PLEKHM3: variants seen among roughly 807,000 people sequenced by gnomAD.
PLEKHM3 encodes the protein pleckstrin homology domain-containing family M member 3.
Under a neutral mutation model 81.8 loss-of-function variants are expected in PLEKHM3, and 45 were observed. The ratio of observed to expected loss-of-function variants is 0.55; its 90% CI spans 0.43 to 0.71. PLEKHM3 has a LOEUF of 0.71. Among genes scored for constraint, PLEKHM3 ranks in the 30% least tolerant of loss-of-function variants. The probability of loss-of-function intolerance (pLI) is 0.00; values close to 1 mark genes in which losing one functional copy is unlikely to be tolerated. For synonymous variants in PLEKHM3, 352 were observed against 356.4 expected, an observed-to-expected ratio of 0.99 and a Z score of 0.14; for missense variants, 788 against 924.3, an observed-to-expected ratio of 0.85 and a Z score of 1.91.
intron 7 of PLEKHM3, among the ~76,000 whole-genome samples, chr2:207,848,663 G>T (rs1285262948): frequency 3.3e-5 from 5 of 152,228 alleles, no homozygotes; most frequent in African/African-American, 9.6e-5. Flanking sequence ...TGTACATGAG[G>T]CTTAAAGAAG....
At chr2:207,907,966 T>C (rs1168863830) in intron 6 of PLEKHM3, among the ~76,000 whole-genome samples, 1 of 152,218 alleles carries the variant, frequency 6.6e-6, no homozygotes, top group East Asian at 1.9e-4. Flanking sequence ...TTTGGCTTCT[T>C]TTACTTAGCA....
chr2:207,825,401 A>G lies in PLEKHM3; in HGVS notation c.*2918T>C, dbSNP rs573384835. ...AATTGGCCATTTTTTCATATGTTTT[A>G]TGTGCAAGATATTTAATATGGGATG... On this transcript the variant is annotated 3_prime_UTR_variant, in exon 8 of 8. Transcript: ENST00000427836. 4.6e-5 allele frequency: 7 copies of G among 152,176 alleles called. No individual in the cohort carries two copies. The highest frequency in any genetic ancestry group is 1.0e-4 in the Non-Finnish European group (7 of 68,032). The allele number at this position is 152,176 out of a possible 1,614,324, so 9.4% of individuals were successfully genotyped here. A position where few individuals can be genotyped will look rare whatever the true frequency, so the allele number is the denominator to read the frequency against.
intron 6 of PLEKHM3, among the ~76,000 whole-genome samples, chr2:207,880,657 G>C (rs1310767376): frequency 2.1e-5 from 3 of 145,552 alleles, no homozygotes; most frequent in African/African-American, 7.5e-5. Context: ...CAGCTACTTG[G>C]GAGGCTGAGG....
intron 1 of PLEKHM3, among the ~76,000 whole-genome samples, chr2:208,007,594 T>C (rs1692537978): frequency 6.6e-6 from 1 of 152,148 alleles, no homozygotes; most frequent in Non-Finnish European, 1.5e-5. Context: ...GAGAAGACTA[T>C]TGCCACATAC....
rs953119896 is a variant in PLEKHM3, at chr2:207,930,788, T to C, written c.1886+138A>G. On this transcript the variant is annotated intron_variant, in intron 5 of 7. Transcript: ENST00000427836. ...TAAAAAGATGAGCCCAGAGAGAGGC[T>C]GGCAGTGGAGAGGCGGAGGGCGAGC... The C allele has an allele frequency of 7.9e-6, 7 of 889,408 alleles. No homozygotes were observed. In the African/African-American group the frequency reaches 1.0e-4, roughly 13 times the overall value. 55.1% of individuals were successfully genotyped at this position (889,408 alleles called of 1,614,324 possible).
At position 207,827,680 on chromosome 2, in the gene PLEKHM3, A is replaced by G. The variant is rs981203117; in HGVS notation, c.*639T>C. The G allele has an allele frequency of 9.2e-5, 14 of 152,242 alleles. No individual in the cohort carries two copies. Among genetic ancestry groups the G allele is most frequent in the African/African-American group, 3.4e-4 (14 of 41,540 alleles). The allele number at this position is 152,242 out of a possible 1,614,324, so 9.4% of individuals were successfully genotyped here. On this transcript the variant is annotated 3_prime_UTR_variant, in exon 8 of 8. Coordinates refer to ENST00000427836, the MANE Select transcript of PLEKHM3 (RefSeq NM_001080475.3). ...CCAGAACCAGCCCTCCTCATAAATG[A>G]GGGGTGTATGCTTTCTGTCAGAGGG...
chr2:207,898,339 T>C (rs1370315059), intron 6 of PLEKHM3, among the ~76,000 whole-genome samples: 1 of 152,208 alleles, frequency 6.6e-6, no homozygotes, highest in Non-Finnish European at 1.5e-5. Flanking sequence ...AAGCTCTCTC[T>C]GGTTCATCTG....
chr2:208,019,141 A>C (rs1167165762), intron 1 of PLEKHM3, among the ~76,000 whole-genome samples: 1 of 152,032 alleles, frequency 6.6e-6, no homozygotes, highest in Non-Finnish European at 1.5e-5. Flanking sequence ...TCTCTACAAA[A>C]AAAAAAAATT....
chr2:207,884,218 C>T (rs1687812369), intron 6 of PLEKHM3, among the ~76,000 whole-genome samples: 1 of 143,028 alleles, frequency 7.0e-6, no homozygotes, highest in Non-Finnish European at 1.5e-5. Context: ...CTGAAAAACT[C>T]ACAGTTAACA....
At chr2:207,916,971 T>C (rs1304990446) in intron 5 of PLEKHM3, among the ~76,000 whole-genome samples, 2 of 152,162 alleles carry the variant, frequency 1.3e-5, no homozygotes, top group African/African-American at 4.8e-5. Flanking sequence ...TAGCACCCTT[T>C]TACAGTGCTG....
At chr2:207,867,050 C>T (rs1460111479) in intron 6 of PLEKHM3, among the ~76,000 whole-genome samples, 2 of 152,188 alleles carry the variant, frequency 1.3e-5, no homozygotes, top group Non-Finnish European at 2.9e-5. Context: ...CAAAGACAGT[C>T]TCATACTTGT....
At chr2:207,987,864 G>A (rs1691778600) in intron 2 of PLEKHM3, among the ~76,000 whole-genome samples, 1 of 152,048 alleles carries the variant, frequency 6.6e-6, no homozygotes, top group Non-Finnish European at 1.5e-5. Context: ...CTGTTTCACT[G>A]GACTCCTAGC....
intron 2 of PLEKHM3, among the ~76,000 whole-genome samples, chr2:207,984,281 T>A (rs898912973): frequency 6.6e-6 from 1 of 152,248 alleles, no homozygotes; most frequent in African/African-American, 2.4e-5. Flanking sequence ...ATTTCTAGTC[T>A]AACAGATAAG....
intron 2 of PLEKHM3, among the ~76,000 whole-genome samples, chr2:207,999,115 C>T (rs918272320): frequency 3.3e-5 from 5 of 151,678 alleles, no homozygotes; most frequent in East Asian, 3.9e-4. Context: ...CCCAAGTAGC[C>T]GGGACTACAG....
At chr2:207,868,753 G>A (rs1041964768) in intron 6 of PLEKHM3, 2 of 151,966 alleles carry the variant, frequency 1.3e-5, no homozygotes, top group Non-Finnish European at 2.9e-5. Context: ...ACATCAAGGG[G>A]AAGGAAAAAA....
intron 1 of PLEKHM3, among the ~76,000 whole-genome samples, chr2:208,014,993 G>C (rs1010974149): frequency 6.6e-6 from 1 of 152,194 alleles, no homozygotes; most frequent in Non-Finnish European, 1.5e-5. Context: ...TTGATAAAAT[G>C]TTTAAAAACA....
chr2:208,011,785 C>CTTTTTTTTTTTTTTTT (rs1177948830), intron 1 of PLEKHM3, among the ~76,000 whole-genome samples: 3 of 79,992 alleles, frequency 3.8e-5, no homozygotes, highest in African/African-American at 1.8e-4. Context: ...CTCTGATAAA[C>CTTTTTTTTTTTTTTTT]TTTTTTTTTT....
chr2:207,980,231 A>T (rs1691473548), intron 2 of PLEKHM3, among the ~76,000 whole-genome samples: 1 of 152,126 alleles, frequency 6.6e-6, no homozygotes, highest in African/African-American at 2.4e-5. Context: ...AGCTTTTAAT[A>T]ACAGCTCCCA....
chr2:207,864,990 G>T (rs2092487629), intron 6 of PLEKHM3, among the ~76,000 whole-genome samples: 1 of 152,028 alleles, frequency 6.6e-6, no homozygotes, highest in Non-Finnish European at 1.5e-5. Context: ...TGACATTTGT[G>T]TGCATTTACT....
Sources: allele counts gnomAD v4.1 joint callset (sites outside exome capture counted in the v4.1 genomes callset), GRCh38; gene constraint gnomAD v4.1.1; transcripts MANE v1.5; gene names NCBI Gene and HGNC (gene_info 2026-07-23, HGNC 2026-07-21).